The following PLPPR5 variants were observed in gnomAD, a reference collection of about 807,000 sequenced individuals.
PLPPR5 encodes phospholipid phosphatase related 5.
PLPPR5 carries 16 observed loss-of-function variants against 33.9 expected under a neutral mutation model. The ratio of observed to expected loss-of-function variants is 0.47; its 90% CI spans 0.32 to 0.72. PLPPR5 has a LOEUF of 0.72. Among genes scored for constraint, PLPPR5 ranks in the 30% least tolerant of loss-of-function variants. The pLI, the probability that PLPPR5 is intolerant of heterozygous loss-of-function variation, is 0.03. For missense variants in PLPPR5, 301 were observed against 406.7 expected, an observed-to-expected ratio of 0.74 and a Z score of 2.23; for synonymous variants, 163 against 150.3, an observed-to-expected ratio of 1.08 and a Z score of -0.62.
chr1:98,975,941 TG>T (rs1284418360), intron 1 of PLPPR5, among the ~76,000 whole-genome samples: 19 of 151,900 alleles, frequency 1.3e-4, no homozygotes, highest in African/African-American at 4.3e-4. Flanking sequence ...GCAAGCTGCC[TG>T]GCATGTAATA....
intron 1 of PLPPR5, among the ~76,000 whole-genome samples, chr1:98,964,033 G>A (rs1052881767): frequency 3.6e-4 from 55 of 152,154 alleles, no homozygotes; most frequent in African/African-American, 1.3e-3. Flanking sequence ...ATCAAGAAGG[G>A]GTTCTTAATT....
At chr1:98,989,008 A>G (rs1652359112) in intron 1 of PLPPR5, among the ~76,000 whole-genome samples, 1 of 152,120 alleles carries the variant, frequency 6.6e-6, no homozygotes, top group Non-Finnish European at 1.5e-5. Context: ...TAAGACTTCT[A>G]GATCTGCTTG....
At chr1:98,969,512 G>C (rs1651577152) in intron 1 of PLPPR5, among the ~76,000 whole-genome samples, 1 of 151,996 alleles carries the variant, frequency 6.6e-6, no homozygotes, top group Non-Finnish European at 1.5e-5. Context: ...AAGTGGCTAG[G>C]GGAGGATATA....
chr1:98,950,306 A>T (rs1650730531), intron 3 of PLPPR5, among the ~76,000 whole-genome samples: 1 of 152,236 alleles, frequency 6.6e-6, no homozygotes, highest in Non-Finnish European at 1.5e-5. Flanking sequence ...TAACTTTAAA[A>T]ATACAAAGGA....
intron 1 of PLPPR5, among the ~76,000 whole-genome samples, chr1:98,991,863 A>G (rs1008180023): frequency 6.6e-6 from 1 of 152,130 alleles, no homozygotes; most frequent in African/African-American, 2.4e-5. Flanking sequence ...AGGCCCAAAA[A>G]AAAGGACTAG....
At chr1:98,916,995 G>A (rs1240525071) in intron 4 of PLPPR5, among the ~76,000 whole-genome samples, 2 of 152,108 alleles carry the variant, frequency 1.3e-5, no homozygotes, top group Non-Finnish European at 2.9e-5. Context: ...GGTTGCAATA[G>A]ATCACTAAGT....
In PLPPR5 at chr1:98,986,861, T is replaced by G. The variant is rs185841891; in HGVS notation, c.237+17574A>C. Among the ~76,000 whole-genome samples the G allele has an allele frequency of 4.9e-3, 738 of 151,578 alleles. 4 individuals carry two copies. The highest frequency in any genetic ancestry group is 9.8e-3 in the South Asian group (47 of 4,800). On this transcript the variant is annotated intron_variant, in intron 1 of 5. Coordinates refer to ENST00000263177, the MANE Select transcript of PLPPR5 (RefSeq NM_001037317.2). ...TTAATAGAAAATAGTGAAATGGGTG[T>G]TTTTTTTAACCTTTTAGGTAATTGG...
chr1:98,929,227 T>A (rs1455317399), intron 3 of PLPPR5, among the ~76,000 whole-genome samples: 2 of 152,202 alleles, frequency 1.3e-5, no homozygotes, highest in Non-Finnish European at 2.9e-5. Context: ...GGCAATCACA[T>A]AAGAAGTGTA....
At chr1:98,910,415 G>A (rs183732732) in intron 5 of PLPPR5, among the ~76,000 whole-genome samples, 2,051 of 152,214 alleles carry the variant, frequency 0.013, 17 homozygotes, top group Middle Eastern at 0.017. Flanking sequence ...AGTTTAAGTA[G>A]AATGAAGTAT....
At chr1:98,919,961 T>C (rs1438992188) in intron 4 of PLPPR5, among the ~76,000 whole-genome samples, 1 of 152,206 alleles carries the variant, frequency 6.6e-6, no homozygotes, top group East Asian at 1.9e-4. Context: ...TTCACATTCA[T>C]AAATGGCTGT....
intron 1 of PLPPR5, among the ~76,000 whole-genome samples, chr1:98,964,995 T>G (rs1651382257): frequency 7.5e-6 from 1 of 134,116 alleles, no homozygotes; most frequent in Admixed American, 7.4e-5. Context: ...TTTTTTTTGG[T>G]AGAGATGGGA....
At chr1:98,925,743 G>A (rs1397632562) in intron 3 of PLPPR5, among the ~76,000 whole-genome samples, 1 of 152,194 alleles carries the variant, frequency 6.6e-6, no homozygotes, top group Non-Finnish European at 1.5e-5. Context: ...ATCAGAGGCT[G>A]TGCTAGGTTT....
chr1:98,968,802 T>C (rs1383162174), intron 1 of PLPPR5, among the ~76,000 whole-genome samples: 1 of 152,052 alleles, frequency 6.6e-6, no homozygotes, highest in African/African-American at 2.4e-5. Context: ...GTATTCAGCA[T>C]ATAGATAAGG....
At chr1:98,964,127 G>C (rs1651350910) in intron 1 of PLPPR5, among the ~76,000 whole-genome samples, 1 of 152,196 alleles carries the variant, frequency 6.6e-6, no homozygotes, top group South Asian at 2.1e-4. Context: ...TCCCCGCTGG[G>C]AGTGGAAAAT....
At chr1:98,949,668 C>G (rs177916) in intron 3 of PLPPR5, among the ~76,000 whole-genome samples, 108,687 of 152,070 alleles carry the variant, frequency 0.71, 40,055 homozygotes, top group East Asian at 0.95. Context: ...CTATTATCAA[C>G]TTTTCCCAAG....
intron 1 of PLPPR5, among the ~76,000 whole-genome samples, chr1:98,968,312 G>C (rs187671514): frequency 6.6e-6 from 1 of 152,136 alleles, no homozygotes; most frequent in African/African-American, 2.4e-5. Context: ...TTCCTCAAAA[G>C]AGCGAGCTTA....
chr1:98,919,206 A>C (rs1649463765), intron 4 of PLPPR5, among the ~76,000 whole-genome samples: 1 of 152,194 alleles, frequency 6.6e-6, no homozygotes, highest in Non-Finnish European at 1.5e-5. Context: ...TTCAAAAGTT[A>C]TGGTCAGAGA....
chr1:98,979,522 C>A lies in PLPPR5; in HGVS notation c.238-22781G>T, dbSNP rs76078828. On this transcript the variant is annotated intron_variant, in intron 1 of 5. Transcript: ENST00000263177. The stretch of plus-strand genomic sequence containing the variant: ...TATGAATGCTAGGATGAATGTTCTG[C>A]ACTTAGCTTCTGTATTAGCAAATGT... Among the ~76,000 whole-genome samples the A allele has an allele frequency of 9.0e-4, 137 of 152,210 alleles. 1 individual carries two copies. In the East Asian group the frequency reaches 0.026, roughly 29 times the overall value.
intron 3 of PLPPR5, among the ~76,000 whole-genome samples, chr1:98,943,557 T>C (rs1185528272): frequency 6.6e-6 from 1 of 152,192 alleles, no homozygotes; most frequent in East Asian, 1.9e-4. Context: ...TCTCTGAGCA[T>C]ATGCAGGGGT....
Sources: gnomAD v4.1 joint callset for allele counts (sites outside exome capture counted in the v4.1 genomes callset) on GRCh38, gnomAD v4.1.1 for gene constraint, MANE v1.5 for transcripts, NCBI Gene and HGNC (gene_info 2026-07-23, HGNC 2026-07-21) for gene names.